Variants in SPAG16 observed in about 807,000 individuals in gnomAD.
The protein encoded by SPAG16 is sperm associated antigen 16.
A neutral mutation model predicts 80.4 loss-of-function variants in SPAG16; 86 were observed. That is an observed-to-expected ratio of 1.07 (90% confidence interval 0.90 to 1.28). SPAG16 has a LOEUF of 1.28. Among genes scored for constraint, SPAG16 ranks in the 50% most tolerant of loss-of-function variants. The pLI is 0.00. For missense variants in SPAG16, 870 were observed against 765.3 expected (o/e 1.14, Z -1.61); for synonymous variants, 294 against 265.9 (o/e 1.11, Z -1.03).
chr2:214,281,040 AG>A, intron 15 of SPAG16: 14 of 405,880 alleles, frequency 3.4e-5, no homozygotes, highest in South Asian at 6.4e-5. Flanking sequence ...TCAGGGCGCC[AG>A]AAACTTTATT....
At chr2:214,174,893 A>T (rs994560540) in intron 15 of SPAG16, among the ~76,000 whole-genome samples, 3 of 151,732 alleles carry the variant, frequency 2.0e-5, no homozygotes, top group African/African-American at 7.2e-5. Flanking sequence ...CACTTCATTC[A>T]GTTAGCAAGT....
At chr2:213,521,964 A>G (rs1481051517) in intron 10 of SPAG16, among the ~76,000 whole-genome samples, 2 of 152,226 alleles carry the variant, frequency 1.3e-5, no homozygotes, top group Non-Finnish European at 2.9e-5. Context: ...ATTGGAAACC[A>G]ATATTCATGA....
chr2:213,339,199 A>G (rs1029721115), intron 5 of SPAG16, among the ~76,000 whole-genome samples: 1 of 152,186 alleles, frequency 6.6e-6, no homozygotes, highest in Non-Finnish European at 1.5e-5. Flanking sequence ...GCTGATCCTC[A>G]GTGATTGACT....
intron 11 of SPAG16, among the ~76,000 whole-genome samples, chr2:213,865,177 A>AT (rs894529246): frequency 2.0e-5 from 3 of 152,036 alleles, no homozygotes; most frequent in Non-Finnish European, 4.4e-5. Flanking sequence ...GAGAATATAA[A>AT]TTTTTTGAGT....
intron 7 of SPAG16, among the ~76,000 whole-genome samples, chr2:213,356,279 A>T (rs1314789989): frequency 6.6e-6 from 1 of 152,058 alleles, no homozygotes; most frequent in Non-Finnish European, 1.5e-5. Flanking sequence ...GTTAGGGAGG[A>T]TTCCCTCTTT....
At chr2:214,139,571 G>A (rs115257546) in intron 14 of SPAG16, among the ~76,000 whole-genome samples, 33 of 151,476 alleles carry the variant, frequency 2.2e-4, no homozygotes, top group Admixed American at 1.4e-3. Context: ...TTTAAATTTC[G>A]CTTTAAAAAA....
At chr2:214,015,270 G>A (rs2047528480) in intron 13 of SPAG16, among the ~76,000 whole-genome samples, 1 of 152,156 alleles carries the variant, frequency 6.6e-6, no homozygotes, top group Non-Finnish European at 1.5e-5. Flanking sequence ...GCAGTATCAG[G>A]TGGCTGGTTG....
intron 15 of SPAG16, chr2:214,240,377 G>C (rs1032838947): frequency 1.3e-5 from 2 of 152,190 alleles, no homozygotes; most frequent in African/African-American, 4.8e-5. Flanking sequence ...TAAACTCTTT[G>C]AGGGCAGGGT....
intron 9 of SPAG16, among the ~76,000 whole-genome samples, chr2:213,428,524 T>C (rs562234358): frequency 6.6e-5 from 10 of 152,258 alleles, no homozygotes; most frequent in African/African-American, 1.4e-4. Flanking sequence ...CAGGGGATTG[T>C]AATGCTGGGT....
chr2:213,361,998 G>T lies in SPAG16; in HGVS notation c.763-2078G>T, dbSNP rs138571372. On this transcript the variant is annotated intron_variant, in intron 7 of 15. Transcript: ENST00000331683. ...CAGGGTGAGAATTCTCATATGTGAG[G>T]TGAGGCTTGAGTCATTTGAATCTCC... is the stretch of plus-strand genomic sequence containing the variant. 6.5e-3 allele frequency among the ~76,000 whole-genome samples: 990 copies of T among 152,216 alleles called. 16 individuals are homozygous for T. Among genetic ancestry groups the T allele is most frequent in the African/African-American group, 0.023 (940 of 41,534 alleles).
intron 10 of SPAG16, among the ~76,000 whole-genome samples, chr2:213,722,191 C>T (rs2066561851): frequency 6.6e-6 from 1 of 152,092 alleles, no homozygotes; most frequent in Non-Finnish European, 1.5e-5. Context: ...TAGGAGTAGT[C>T]ACAGAAGTGA....
chr2:213,738,870 G>T (rs2067416567), intron 10 of SPAG16, among the ~76,000 whole-genome samples: 3 of 152,176 alleles, frequency 2.0e-5, no homozygotes, highest in Admixed American at 2.0e-4. Flanking sequence ...CTTCTGGCCA[G>T]ATTTCATTGC....
At chr2:214,095,670 T>A (rs1326754790) in intron 13 of SPAG16, among the ~76,000 whole-genome samples, 1 of 152,102 alleles carries the variant, frequency 6.6e-6, no homozygotes, top group African/African-American at 2.4e-5. Flanking sequence ...TGAAAACTTG[T>A]ATTGGCTTCA....
chr2:213,762,772 G>A (rs1479949990), intron 10 of SPAG16, among the ~76,000 whole-genome samples: 2 of 152,136 alleles, frequency 1.3e-5, no homozygotes, highest in Admixed American at 6.5e-5. Context: ...CAAAGGCAGA[G>A]ATAATAAGTC....
intron 15 of SPAG16, among the ~76,000 whole-genome samples, chr2:214,325,922 G>C (rs902205844): frequency 1.3e-5 from 2 of 152,110 alleles, no homozygotes; most frequent in Non-Finnish European, 2.9e-5. Context: ...TGCCCTCCAT[G>C]AGCATAGGAA....
chr2:213,387,675 C>T (rs988269793), intron 9 of SPAG16, among the ~76,000 whole-genome samples: 6 of 151,026 alleles, frequency 4.0e-5, no homozygotes, highest in African/African-American at 7.3e-5. Flanking sequence ...GGGATGGTCT[C>T]GATCTCCTGA....
At chr2:213,723,383 G>T (rs1011526038) in intron 10 of SPAG16, among the ~76,000 whole-genome samples, 1 of 152,172 alleles carries the variant, frequency 6.6e-6, no homozygotes. Context: ...GTTTGCATAT[G>T]AAAGCCAGGT....
At chr2:214,407,814 A>T (rs538914189) in intron 15 of SPAG16, among the ~76,000 whole-genome samples, 6 of 140,124 alleles carry the variant, frequency 4.3e-5, no homozygotes, top group Non-Finnish European at 1.7e-5. Flanking sequence ...TAACTTAGAA[A>T]GAGGTTAGCA....
intron 15 of SPAG16, among the ~76,000 whole-genome samples, chr2:214,314,209 C>G (rs751551699): frequency 6.6e-6 from 1 of 152,076 alleles, no homozygotes; most frequent in Non-Finnish European, 1.5e-5. Flanking sequence ...GGAATTATTA[C>G]CATCCCATGA....
Sources: allele counts gnomAD v4.1 joint callset (sites outside exome capture counted in the v4.1 genomes callset), GRCh38; gene constraint gnomAD v4.1.1; transcripts MANE v1.5; gene names NCBI Gene and HGNC (gene_info 2026-07-23, HGNC 2026-07-21).